Variants in ARHGAP35 observed in about 807,000 individuals in gnomAD.
ARHGAP35 encodes Rho GTPase activating protein 35, also known as rho GTPase-activating protein 35.
In ARHGAP35, 15 loss-of-function variants were observed where a neutral mutation model predicts 111.1. The observed-to-expected ratio is 0.13, with a 90% CI of 0.09 to 0.21. The LOEUF is 0.21. Ranked by LOEUF, ARHGAP35 falls within the 10% of genes least tolerant of loss-of-function variation. The pLI, the probability that ARHGAP35 is intolerant of heterozygous loss-of-function variation, is 1.00. For synonymous variants in ARHGAP35, 643 were observed against 710.3 expected (o/e 0.91, Z 1.51); for missense variants, 1,262 against 1,873.0 (o/e 0.67, Z 6.02).
chr19:46,985,876 G>GC (rs1441170340), intron 3 of ARHGAP35, among the ~76,000 whole-genome samples: 3 of 69,186 alleles, frequency 4.3e-5, no homozygotes, highest in Admixed American at 3.6e-4. Flanking sequence ...TGTTCTTGAA[G>GC]CCTCAAGAAG....
intron 1 of ARHGAP35, among the ~76,000 whole-genome samples, chr19:46,880,285 T>C (rs553383548): frequency 6.7e-6 from 1 of 148,290 alleles, no homozygotes; most frequent in Non-Finnish European, 1.5e-5. Flanking sequence ...ATACAAAATT[T>C]GCCGAGCATG....
chr19:47,004,323 G>C lies in ARHGAP35; in HGVS notation c.*3635G>C, dbSNP rs1235755635. On this transcript the variant is annotated 3_prime_UTR_variant, in exon 7 of 7. Coordinates refer to ENST00000672722, the MANE Select transcript of ARHGAP35 (RefSeq NM_004491.5). ...GCGCGGCCGCGGTGCGGTCGGTGCAGCGTGGCCAATGCGCGGCGCGCGCGG... is the reference window on the plus strand; with the variant it reads ...GCGCGGCCGCGGTGCGGTCGGTGCACCGTGGCCAATGCGCGGCGCGCGCGG... 1 of 151,984 alleles carries C rather than the reference G, an allele frequency of 6.6e-6. No individual in the cohort carries two copies. Among genetic ancestry groups the C allele is most frequent in the East Asian group, 1.9e-4 (1 of 5,154 alleles). The allele number at this position is 151,984 out of a possible 1,614,324, so 9.4% of individuals were successfully genotyped here. A position where few individuals can be genotyped will look rare whatever the true frequency, so the allele number is the denominator to read the frequency against.
At chr19:46,943,055 TA>T (rs2056358466) in intron 3 of ARHGAP35, among the ~76,000 whole-genome samples, 1 of 147,252 alleles carries the variant, frequency 6.8e-6, no homozygotes. Flanking sequence ...TTTTTTTTTT[TA>T]AAGAGACAGA....
chr19:46,954,517 C>T (rs1209241951), intron 3 of ARHGAP35, among the ~76,000 whole-genome samples: 1 of 152,238 alleles, frequency 6.6e-6, no homozygotes, highest in Non-Finnish European at 1.5e-5. Flanking sequence ...AAGAGATGAG[C>T]TCACGCCTTT....
chr19:46,919,426 C>G lies in ARHGAP35; in HGVS notation c.751C>G (p.Arg251Gly). ...CTTAGTGCAACTCATTGATAAAAGTCGGGGAAAGACAAAAATCATTCCTTA... is the reference window on the plus strand; with the variant it reads ...CTTAGTGCAACTCATTGATAAAAGTGGGGGAAAGACAAAAATCATTCCTTA... ...STLVQLIDKS[R>G]GKTKIIPYFE... The change falls in exon 2 of 7, where the codon CGG becomes GGG. Residue 251 changes from arginine to glycine, a missense_variant. By Grantham distance (125) the Arg-to-Gly change is moderately radical. This residue lies in a region of ARHGAP35 where 328 missense variants were observed against 440.8 expected (regional missense o/e 0.74). Transcript: ENST00000672722. This position sits in a 1 kb window ranked among gnomAD's most constrained non-coding sequence, Gnocchi z 6.2. The G allele has an allele frequency of 6.2e-7, 1 of 1,613,902 alleles. No homozygotes were observed. Among genetic ancestry groups the G allele is most frequent in the Non-Finnish European group, 8.5e-7 (1 of 1,179,876 alleles).
In ARHGAP35 at chr19:46,908,150, T is replaced by C. The variant is rs1340665014; in HGVS notation, c.-188-10338T>C. 6.6e-6 allele frequency among the ~76,000 whole-genome samples: 1 copy of C among 152,220 alleles called. No homozygotes were observed. Among genetic ancestry groups the C allele is most frequent in the Non-Finnish European group, 1.5e-5 (1 of 68,034 alleles). On this transcript the variant is annotated intron_variant, in intron 1 of 6. Coordinates refer to ENST00000672722, the MANE Select transcript of ARHGAP35 (RefSeq NM_004491.5). The surrounding 1 kb of genome is among the most constrained non-coding windows in gnomAD (Gnocchi z 4.2). ...GCGTCAGGGACATTTATATAGAGAA[T>C]GTTCTTTCAAAAAGAACTTTTTTCC...
rs1472397824 is a variant in ARHGAP35 at position 46,986,360 on chromosome 19, G to A, written c.3827-1629G>A. On this transcript the variant is annotated intron_variant, in intron 3 of 6. Coordinates refer to ENST00000672722, the MANE Select transcript of ARHGAP35 (RefSeq NM_004491.5). The surrounding 1 kb of genome is among the most constrained non-coding windows in gnomAD (Gnocchi z 4.3). ...CCCTTGATATTTTATTCTAACTTAC[G>A]TATTTAATTGACTTTTACTACTTTT... 3.9e-5 allele frequency among the ~76,000 whole-genome samples: 6 copies of A among 152,040 alleles called. No homozygotes were observed. Among genetic ancestry groups the A allele is most frequent in the East Asian group, 1.9e-4 (1 of 5,204 alleles).
chr19:46,960,055 A>G (rs969248126), intron 3 of ARHGAP35, among the ~76,000 whole-genome samples: 2 of 148,182 alleles, frequency 1.3e-5, no homozygotes, highest in African/African-American at 5.0e-5. Flanking sequence ...GGTTAGAGTG[A>G]GCTATGATTG....
chr19:46,967,976 C>T (rs1003206313), intron 3 of ARHGAP35, among the ~76,000 whole-genome samples: 1 of 152,206 alleles, frequency 6.6e-6, no homozygotes, highest in Admixed American at 6.5e-5. Flanking sequence ...CCAGTGAACA[C>T]GTAGCACACT....
chr19:46,987,943 C>A (rs748496466), intron 3 of ARHGAP35, 46 bp from the exon 4 acceptor site: 1 of 1,592,064 alleles, frequency 6.3e-7, no homozygotes, highest in Non-Finnish European at 8.6e-7. Context: ...TCCTCATTCT[C>A]TGCTCTCCAG....
chr19:46,926,144 C>A lies in ARHGAP35; in HGVS notation c.3681+3788C>A, dbSNP rs2056236515. On this transcript the variant is annotated intron_variant, in intron 2 of 6. Transcript: ENST00000672722. This position sits in a 1 kb window ranked among gnomAD's most constrained non-coding sequence, Gnocchi z 4.1. The stretch of plus-strand genomic sequence containing the variant: ...GTACCAATGTGATACAGAAAAAAAT[C>A]ACTCAGTGCCCTTGGCTGATTTGCT... Among the ~76,000 whole-genome samples, 1 of 152,142 alleles carries A rather than the reference C, an allele frequency of 6.6e-6. No homozygotes were observed. Among genetic ancestry groups the A allele is most frequent in the Non-Finnish European group, 1.5e-5 (1 of 68,016 alleles).
Position 46,884,493 on chromosome 19 carries a change from C to CTT in ARHGAP35, c.-189+23306_-189+23307dup, listed in dbSNP as rs923415995. Among the ~76,000 whole-genome samples the CTT allele has an allele frequency of 5.3e-3, 597 of 111,758 alleles. 4 individuals carry two copies. Among genetic ancestry groups the CTT allele is most frequent in the African/African-American group, 0.016 (453 of 29,016 alleles). 73.3% of individuals were successfully genotyped at this position (111,758 alleles called of 152,430 possible). A position where few individuals can be genotyped will look rare whatever the true frequency, so the allele number is the denominator to read the frequency against. ...TCATCTATAAAATAATGATGATATCCTTTTTTTTTTTTTTTTTTTTTTTCC... is the reference window on the plus strand; with the variant it reads ...TCATCTATAAAATAATGATGATATCCTTTTTTTTTTTTTTTTTTTTTTTTTCC... On this transcript the variant is annotated intron_variant, in intron 1 of 6. Transcript: ENST00000672722.
intron 3 of ARHGAP35, among the ~76,000 whole-genome samples, chr19:46,967,576 A>T (rs576853899): frequency 6.6e-6 from 1 of 152,170 alleles, no homozygotes; most frequent in Admixed American, 6.5e-5. Context: ...TGCTGCAAAT[A>T]TCTTTCCAAA....
At chr19:46,898,249 A>C (rs572436229) in intron 1 of ARHGAP35, among the ~76,000 whole-genome samples, 234 of 152,170 alleles carry the variant, frequency 1.5e-3, no homozygotes, top group African/African-American at 5.4e-3. Flanking sequence ...TCAAAAAAAA[A>C]AAAAAACAAA....
At chr19:46,907,547 C>A (rs927941439) in intron 1 of ARHGAP35, among the ~76,000 whole-genome samples, 27 of 151,682 alleles carry the variant, frequency 1.8e-4, no homozygotes, top group Non-Finnish European at 3.4e-4. Flanking sequence ...GGCGCGAACT[C>A]GGCTCACTGC....
chr19:46,999,632 C>T lies in ARHGAP35; in HGVS notation c.4142+223C>T. ...CTCCTGCTCCTGTCTGAGGGCAGCC[C>T]ACGTGGCCTCAAACCTGCCTAACAC... On this transcript the variant is annotated intron_variant, in intron 6 of 6. Transcript: ENST00000672722. The surrounding 1 kb of genome is among the most constrained non-coding windows in gnomAD (Gnocchi z 5.4). 1.8e-6 allele frequency: 1 copy of T among 549,498 alleles called. No homozygotes were observed. The highest frequency in any genetic ancestry group is 3.2e-6 in the Non-Finnish European group (1 of 307,928). 34.0% of individuals were successfully genotyped at this position (549,498 alleles called of 1,614,324 possible).
intron 3 of ARHGAP35, among the ~76,000 whole-genome samples, chr19:46,971,818 TC>T (rs1480615732): frequency 1.3e-5 from 2 of 151,872 alleles, no homozygotes; most frequent in Non-Finnish European, 2.9e-5. Context: ...GTTTTATCCT[TC>T]CCTACAGAGA....
At chr19:46,880,834 C>G (rs1339273394) in intron 1 of ARHGAP35, among the ~76,000 whole-genome samples, 1 of 151,126 alleles carries the variant, frequency 6.6e-6, no homozygotes, top group Non-Finnish European at 1.5e-5. Context: ...TGCTGCCATG[C>G]TGGACTAATT....
rs1216782061 is a variant in ARHGAP35 at position 46,926,830 on chromosome 19, G to A, written c.3681+4474G>A. ...ATTGGATTCAGTGAATTGGCTGGTT[G>A]TTGTGGCTTTGTGTGGACACAGCTC... On this transcript the variant is annotated intron_variant, in intron 2 of 6. Transcript: ENST00000672722. The surrounding 1 kb of genome is among the most constrained non-coding windows in gnomAD (Gnocchi z 4.1). Among the ~76,000 whole-genome samples the A allele has an allele frequency of 1.3e-5, 2 of 152,218 alleles. No homozygotes were observed. The highest frequency in any genetic ancestry group is 2.9e-5 in the Non-Finnish European group (2 of 68,048).
Sources: allele counts gnomAD v4.1 joint callset (sites outside exome capture counted in the v4.1 genomes callset), GRCh38; gene constraint gnomAD v4.1.1; regional missense constraint gnomAD v4.1.1; non-coding constraint Gnocchi (gnomAD v3.1); transcripts MANE v1.5; gene names NCBI Gene and HGNC (gene_info 2026-07-23, HGNC 2026-07-21).